The following RIMS1 variants were observed in gnomAD, a reference collection of about 807,000 sequenced individuals.
RIMS1 encodes regulating synaptic membrane exocytosis 1.
RIMS1 carries 83 observed loss-of-function variants against 214.1 expected under a neutral mutation model. The ratio of observed to expected loss-of-function variants is 0.39; its 90% CI spans 0.32 to 0.47. The LOEUF is 0.47. Among genes scored for constraint, RIMS1 ranks in the 20% least tolerant of loss-of-function variants. The probability of loss-of-function intolerance (pLI) is 0.99; values close to 1 mark genes in which losing one functional copy is unlikely to be tolerated. For missense variants in RIMS1, 2,050 were observed against 2,161.8 expected, an observed-to-expected ratio of 0.95 and a Z score of 1.03; for synonymous variants, 793 against 786.8, an observed-to-expected ratio of 1.01 and a Z score of -0.13.
At chr6:72,032,358 A>C (rs943089142) in intron 2 of RIMS1, among the ~76,000 whole-genome samples, 1 of 152,084 alleles carries the variant, frequency 6.6e-6, no homozygotes, top group Admixed American at 6.6e-5. Flanking sequence ...CCTCAAATAG[A>C]CTTTAGCTTC....
intron 4 of RIMS1, among the ~76,000 whole-genome samples, chr6:72,122,508 A>C (rs2038611737): frequency 6.6e-6 from 1 of 151,728 alleles, no homozygotes; most frequent in African/African-American, 2.4e-5. Flanking sequence ...ACCCAGCCAG[A>C]TTCCCTCTTT....
chr6:72,313,984 A>C (rs2154296678), intron 28 of RIMS1, among the ~76,000 whole-genome samples: 1 of 152,288 alleles, frequency 6.6e-6, no homozygotes, highest in African/African-American at 2.4e-5. Context: ...TAAATATTTC[A>C]GGCTTTGCAG....
intron 4 of RIMS1, among the ~76,000 whole-genome samples, chr6:72,136,453 C>G (rs978300673): frequency 6.6e-6 from 1 of 151,738 alleles, no homozygotes; most frequent in Non-Finnish European, 1.5e-5. Flanking sequence ...AAAGGAGAAA[C>G]ATTGCATTCT....
chr6:71,906,010 C>T (rs1015315227), intron 1 of RIMS1, among the ~76,000 whole-genome samples: 11 of 152,124 alleles, frequency 7.2e-5, no homozygotes, highest in Admixed American at 2.0e-4. Flanking sequence ...TATGCCTGTA[C>T]TCCAGTGTGT....
At chr6:72,017,335 A>C (rs1475151847) in intron 2 of RIMS1, among the ~76,000 whole-genome samples, 1 of 152,240 alleles carries the variant, frequency 6.6e-6, no homozygotes, top group Non-Finnish European at 1.5e-5. Context: ...TTTGTAAATA[A>C]CACAAATGCC....
chr6:72,323,102 A>G (rs2096261212), intron 28 of RIMS1, among the ~76,000 whole-genome samples: 1 of 152,102 alleles, frequency 6.6e-6, no homozygotes. Flanking sequence ...AACTCTAGAA[A>G]TAAGCATTAC....
intron 3 of RIMS1, among the ~76,000 whole-genome samples, chr6:72,098,706 C>T (rs2032675005): frequency 6.6e-6 from 1 of 152,048 alleles, no homozygotes; most frequent in Admixed American, 6.6e-5. Context: ...TAATATTTAC[C>T]TTGTATGGGT....
At chr6:72,318,682 G>C (rs915365261) in intron 28 of RIMS1, among the ~76,000 whole-genome samples, 1 of 152,152 alleles carries the variant, frequency 6.6e-6, no homozygotes, top group Admixed American at 6.5e-5. Context: ...AAAGCCACCA[G>C]TGAGGGTCTG....
chr6:71,986,730 C>A (rs760990321), intron 2 of RIMS1, among the ~76,000 whole-genome samples: 6 of 152,190 alleles, frequency 3.9e-5, no homozygotes, highest in Non-Finnish European at 7.3e-5. Flanking sequence ...TGTGTTGTGA[C>A]CAGGCATGAT....
chr6:72,288,281 T>G (rs1245431062), intron 24 of RIMS1, among the ~76,000 whole-genome samples: 3 of 152,060 alleles, frequency 2.0e-5, no homozygotes, highest in Non-Finnish European at 4.4e-5. Context: ...CGCTTCTTAG[T>G]GTGTGAGAAT....
intron 28 of RIMS1, among the ~76,000 whole-genome samples, chr6:72,322,445 C>T (rs1426989096): frequency 6.6e-6 from 1 of 152,094 alleles, no homozygotes; most frequent in Non-Finnish European, 1.5e-5. Context: ...TTGATAACAA[C>T]ATAACTGGTC....
At position 72,398,996 on chromosome 6, in the gene RIMS1, A is replaced by G. The variant is rs1208846989; in HGVS notation, c.4762A>G (p.Ile1588Val). ...ATATCTTTTGGAAAATGGGGCCTGT[A>G]TAGCCAAGAAGAAGACAAGAATTGC... Reference protein sequence around the residue: ...KVYLLENGACIAKKKTRIARK... With the variant: ...KVYLLENGACVAKKKTRIARK... Residue 1588 changes from isoleucine (I) to valine (V), a missense_variant, in exon 33 of 34, where the codon ATA becomes GTA. By Grantham distance (29) the Ile-to-Val change is conservative (BLOSUM62 3). Transcript: ENST00000521978. 3 of 1,609,356 alleles carry G rather than the reference A, an allele frequency of 1.9e-6. No individual in the cohort carries two copies. Among genetic ancestry groups the G allele is most frequent in the Admixed American group, 3.3e-5 (2 of 59,974 alleles).
intron 22 of RIMS1, among the ~76,000 whole-genome samples, chr6:72,271,276 A>G (rs1453505230): frequency 2.0e-5 from 1 of 49,620 alleles, no homozygotes; most frequent in African/African-American, 8.8e-5. Context: ...AAGGAAAAAA[A>G]AAAAAAAAAA....
intron 2 of RIMS1, among the ~76,000 whole-genome samples, chr6:72,039,635 A>G (rs1820867257): frequency 1.3e-5 from 2 of 152,094 alleles, no homozygotes; most frequent in South Asian, 4.1e-4. Context: ...GTGATCCAAC[A>G]TCCAGGGGAG....
chr6:72,024,431 A>G (rs1349147473), intron 2 of RIMS1, among the ~76,000 whole-genome samples: 1 of 152,164 alleles, frequency 6.6e-6, no homozygotes, highest in South Asian at 2.1e-4. Context: ...CTGACCTCAT[A>G]AAGTTATTAT....
At chr6:72,117,284 C>G (rs1227352315) in intron 4 of RIMS1, among the ~76,000 whole-genome samples, 2 of 151,988 alleles carry the variant, frequency 1.3e-5, no homozygotes, top group African/African-American at 4.8e-5. Context: ...TTTCTGACCC[C>G]TCTTTAGTAC....
intron 4 of RIMS1, 87 bp from the exon 5 acceptor site, chr6:72,179,488 C>CT: frequency 9.0e-7 from 1 of 1,113,770 alleles, no homozygotes; most frequent in South Asian, 1.4e-5. Flanking sequence ...GAATACTGTT[C>CT]TTTTTTTCTT....
chr6:71,916,391 A>G (rs550734064), intron 1 of RIMS1, among the ~76,000 whole-genome samples: 39 of 152,140 alleles, frequency 2.6e-4, no homozygotes, highest in African/African-American at 9.1e-4. Flanking sequence ...TTTCTCACAG[A>G]CTCCATAGCT....
chr6:72,057,498 CT>C (rs56115719), intron 2 of RIMS1, among the ~76,000 whole-genome samples: 27,504 of 126,066 alleles, frequency 0.22, 1,336 homozygotes, highest in East Asian at 0.4. Context: ...CCTTCTTTTT[CT>C]TTTTTTTTTT....
Sources: allele counts gnomAD v4.1 joint callset (sites outside exome capture counted in the v4.1 genomes callset), GRCh38; gene constraint gnomAD v4.1.1; transcripts MANE v1.5; gene names NCBI Gene and HGNC (gene_info 2026-07-23, HGNC 2026-07-21).